ARHGEF4: variants seen among roughly 807,000 people sequenced by gnomAD.
ARHGEF4 encodes APC-stimulated guanine nucleotide exchange factor 1.
A neutral mutation model predicts 162.0 loss-of-function variants in ARHGEF4; 119 were observed. The observed-to-expected ratio is 0.73, with a 90% CI of 0.63 to 0.86. The LOEUF (loss-of-function observed/expected upper bound fraction) is 0.86. Ranked by LOEUF, ARHGEF4 falls within the 40% of genes least tolerant of loss-of-function variation. The pLI, the probability that ARHGEF4 is intolerant of heterozygous loss-of-function variation, is 0.00. For synonymous variants in ARHGEF4, 1,014 were observed against 979.9 expected, an observed-to-expected ratio of 1.03 and a Z score of -0.65; for missense variants, 2,488 against 2,456.0, an observed-to-expected ratio of 1.01 and a Z score of -0.28.
At chr2:130,920,400 G>A (rs1030269233) in intron 2 of ARHGEF4, among the ~76,000 whole-genome samples, 1 of 152,204 alleles carries the variant, frequency 6.6e-6, no homozygotes, top group Non-Finnish European at 1.5e-5. Context: ...GGCATGAAGC[G>A]GGTGCCAGAT....
At chr2:130,934,993 T>A (rs1343390196) in intron 3 of ARHGEF4, among the ~76,000 whole-genome samples, 1 of 152,214 alleles carries the variant, frequency 6.6e-6, no homozygotes, top group Non-Finnish European at 1.5e-5. Context: ...TAGTAATGCC[T>A]CCACTCTCAT....
chr2:130,983,246 A>T (rs962903777), intron 4 of ARHGEF4, among the ~76,000 whole-genome samples: 1 of 152,214 alleles, frequency 6.6e-6, no homozygotes, highest in African/African-American at 2.4e-5. Flanking sequence ...CTTCTTAACA[A>T]TTTTATAATC....
chr2:130,974,748 T>C (rs1243680989), intron 4 of ARHGEF4, among the ~76,000 whole-genome samples: 2 of 152,022 alleles, frequency 1.3e-5, no homozygotes, highest in Non-Finnish European at 2.9e-5. Context: ...AAGTGTGAGC[T>C]ACTGCACCCG....
chr2:131,033,650 A>G (rs1470877955), intron 5 of ARHGEF4, among the ~76,000 whole-genome samples: 1 of 152,192 alleles, frequency 6.6e-6, no homozygotes, highest in Non-Finnish European at 1.5e-5. Flanking sequence ...ATTTGGGGGT[A>G]CCAGCGAGAC....
intron 4 of ARHGEF4, among the ~76,000 whole-genome samples, chr2:130,954,548 T>G (rs1684152381): frequency 6.6e-6 from 1 of 152,168 alleles, no homozygotes; most frequent in African/African-American, 2.4e-5. Flanking sequence ...TAAAGTATAA[T>G]TAAAAAAATA....
chr2:131,001,281 C>T lies in ARHGEF4; in HGVS notation c.3986-26664C>T, dbSNP rs188086781. On this transcript the variant is annotated intron_variant, in intron 4 of 13. Transcript: ENST00000409359. ...TTGCACCACTGCACTCCAGCCTGGG[C>T]GACAGAGTGAGACTGTGTCTCAAAA... 5.9e-4 allele frequency among the ~76,000 whole-genome samples: 69 copies of T among 116,432 alleles called. 1 individual carries two copies. The East Asian group carries it at 9.1e-3, about 15-fold the overall frequency. The allele number at this position is 116,432 out of a possible 152,430, so 76.4% of individuals were successfully genotyped here.
At chr2:130,852,469 A>G (rs1273198134) in intron 1 of ARHGEF4, among the ~76,000 whole-genome samples, 1 of 143,104 alleles carries the variant, frequency 7.0e-6, no homozygotes, top group African/African-American at 2.6e-5. Flanking sequence ...AGATGAAGCG[A>G]TGCCTTGATG....
At chr2:131,039,262 A>G in intron 6 of ARHGEF4, 1 of 1,293,022 alleles carries the variant, frequency 7.7e-7, no homozygotes, top group Non-Finnish European at 1.0e-6. Flanking sequence ...TCGAGAAATG[A>G]GTGTGTGCAG....
chr2:130,916,429 G>T lies in ARHGEF4; in HGVS notation c.2483G>T (p.Gly828Val). 6.5e-7 allele frequency: 1 copy of T among 1,537,452 alleles called. No individual in the cohort carries two copies. The highest frequency in any genetic ancestry group is 8.7e-7 in the Non-Finnish European group (1 of 1,144,482). The change falls in exon 2 of 14, where the codon GGC becomes GTC. Residue 828 changes from glycine to valine, a missense_variant. By Grantham distance (109) the Gly-to-Val change is moderately radical (BLOSUM62 -3). Transcript: ENST00000409359. ...GAGGGTCGCCGCTGGGGCTCTTCAG[G>T]CCCCGAGGGGCTCCCCAGGGAGAAT... Reference protein sequence around the residue: ...TTEGRRWGSSGPEGLPRENPP... With the variant: ...TTEGRRWGSSVPEGLPRENPP...
intron 4 of ARHGEF4, among the ~76,000 whole-genome samples, chr2:130,973,243 C>T (rs1220720573): frequency 6.6e-6 from 1 of 152,212 alleles, no homozygotes; most frequent in Non-Finnish European, 1.5e-5. Flanking sequence ...AATCCCATCA[C>T]TTTGGGAGGC....
intron 4 of ARHGEF4, among the ~76,000 whole-genome samples, chr2:131,014,929 G>T (rs1178966198): frequency 6.6e-6 from 1 of 152,084 alleles, no homozygotes; most frequent in Non-Finnish European, 1.5e-5. Context: ...AGAGCGATGG[G>T]CACTGAGAGA....
intron 1 of ARHGEF4, among the ~76,000 whole-genome samples, chr2:130,895,185 T>C (rs1330241526): frequency 6.6e-6 from 1 of 152,170 alleles, no homozygotes; most frequent in African/African-American, 2.4e-5. Context: ...GATCGTGCAG[T>C]GTGTGGCCTT....
intron 4 of ARHGEF4, among the ~76,000 whole-genome samples, chr2:130,947,388 C>T (rs547932687): frequency 6.6e-6 from 1 of 152,006 alleles, no homozygotes; most frequent in Admixed American, 6.5e-5. Context: ...AGTGATACTC[C>T]GTCTCAAGAA....
intron 4 of ARHGEF4, chr2:131,011,820 T>A (rs1688468418): frequency 1.3e-6 from 1 of 751,726 alleles, no homozygotes; most frequent in African/African-American, 1.7e-5. Context: ...CTCAGGGTAT[T>A]GTGCAGAGGG....
chr2:130,924,627 G>T (rs2105083522), intron 2 of ARHGEF4, among the ~76,000 whole-genome samples: 1 of 152,302 alleles, frequency 6.6e-6, no homozygotes, highest in South Asian at 2.1e-4. Context: ...TTTCAGGTTT[G>T]GGGGCAGAGA....
intron 4 of ARHGEF4, among the ~76,000 whole-genome samples, chr2:130,990,642 C>T (rs1042071330): frequency 6.6e-5 from 10 of 151,460 alleles, no homozygotes; most frequent in African/African-American, 2.4e-4. Flanking sequence ...GAGGATCCCA[C>T]AGTGATTCTG....
chr2:130,907,764 TAATA>T (rs1351991821), intron 1 of ARHGEF4, among the ~76,000 whole-genome samples: 1 of 151,486 alleles, frequency 6.6e-6, no homozygotes, highest in East Asian at 2.0e-4. Context: ...CGATCCTGGC[TAATA>T]ACATGGTGAA....
intron 1 of ARHGEF4, among the ~76,000 whole-genome samples, chr2:130,903,198 A>G (rs759369589): frequency 6.6e-6 from 1 of 150,708 alleles, no homozygotes; most frequent in African/African-American, 2.4e-5. Context: ...AGATAATGCT[A>G]ACATCTCTGC....
At chr2:131,018,371 G>A (rs1337343042) in intron 4 of ARHGEF4, among the ~76,000 whole-genome samples, 3 of 151,716 alleles carry the variant, frequency 2.0e-5, no homozygotes, top group African/African-American at 7.2e-5. Context: ...TTGACCATTC[G>A]TATGTCTTCT....
Sources: gnomAD v4.1 joint callset for allele counts (sites outside exome capture counted in the v4.1 genomes callset) on GRCh38, gnomAD v4.1.1 for gene constraint, MANE v1.5 for transcripts, NCBI Gene and HGNC (gene_info 2026-07-23, HGNC 2026-07-21) for gene names.